S100PBP: variants seen among roughly 807,000 people sequenced by gnomAD.
S100PBP encodes the protein S100P binding protein.
A neutral mutation model predicts 39.9 loss-of-function variants in S100PBP; 15 were observed. The observed-to-expected ratio is 0.38, with a 90% CI of 0.25 to 0.58. S100PBP has a LOEUF of 0.58. Ranked by LOEUF, S100PBP falls within the 20% of genes least tolerant of loss-of-function variation. S100PBP has a pLI of 0.70. For synonymous variants in S100PBP, 178 were observed against 180.3 expected, an observed-to-expected ratio of 0.99 and a Z score of 0.10; for missense variants, 504 against 487.3, an observed-to-expected ratio of 1.03 and a Z score of -0.32.
At chr1:32,851,313 T>C (rs917002481) in intron 5 of S100PBP, among the ~76,000 whole-genome samples, 2 of 152,100 alleles carry the variant, frequency 1.3e-5, no homozygotes, top group African/African-American at 4.8e-5. Context: ...GTAGATAAGG[T>C]AATGAAAAAC....
chr1:32,834,234 A>G (rs1639723417), intron 5 of S100PBP, among the ~76,000 whole-genome samples: 1 of 152,170 alleles, frequency 6.6e-6, no homozygotes, highest in South Asian at 2.1e-4. Context: ...ATTTAATCAT[A>G]ATTTTTAAAA....
At chr1:32,836,881 A>G (rs1639842068) in intron 5 of S100PBP, 1 of 152,122 alleles carries the variant, frequency 6.6e-6, no homozygotes, top group Admixed American at 6.6e-5. Flanking sequence ...TCTTTATTCT[A>G]TCCTCATACT....
At position 32,855,898 on chromosome 1, in the gene S100PBP, T is replaced by A. The variant is rs1314701677; in HGVS notation, c.1113-26T>A. 1.9e-6 allele frequency: 3 copies of A among 1,545,506 alleles called. 1 individual carries two copies. In the South Asian group the frequency reaches 3.4e-5, roughly 17 times the overall value. On this transcript the variant is annotated intron_variant, in intron 6 of 6. Transcript: ENST00000373475. The stretch of plus-strand genomic sequence containing the variant: ...GCCATTCTAGTTGAAATAGCCTTCC[T>A]GTTTGTACTCTCCCTCTCTCGATAG...
At position 32,817,671 on chromosome 1, in the gene S100PBP, T is replaced by C. The variant is rs1569799538; in HGVS notation, c.-138T>C. 3 of 234,860 alleles carry C rather than the reference T, an allele frequency of 1.3e-5. No homozygotes were observed. Among genetic ancestry groups the C allele is most frequent in the Non-Finnish European group, 2.6e-5 (3 of 115,298 alleles). 14.5% of individuals were successfully genotyped at this position (234,860 alleles called of 1,614,324 possible). ...GTGAGGCGCAGTCGTTCGCCCAGGC[T>C]TTGGCCCGGCTTCCGGAGGTGAAGA... On this transcript the variant is annotated 5_prime_UTR_variant, in exon 1 of 7. Coordinates refer to ENST00000373475, the MANE Select transcript of S100PBP (RefSeq NM_022753.4).
At chr1:32,833,373 T>C (rs949383906) in intron 5 of S100PBP, among the ~76,000 whole-genome samples, 1 of 150,462 alleles carries the variant, frequency 6.6e-6, no homozygotes, top group African/African-American at 2.4e-5. Flanking sequence ...TTATTTTCTT[T>C]TTTTTTTTTT....
intron 1 of S100PBP, among the ~76,000 whole-genome samples, chr1:32,819,082 G>GA (rs1416529314): frequency 6.6e-6 from 1 of 152,054 alleles, no homozygotes; most frequent in African/African-American, 2.4e-5. Context: ...GATAAAAATA[G>GA]AAAGGGAACC....
intron 5 of S100PBP, chr1:32,847,664 C>G (rs1292999531): frequency 6.6e-6 from 1 of 152,098 alleles, no homozygotes; most frequent in African/African-American, 2.4e-5. Flanking sequence ...TTTTCCCTTG[C>G]CTGCAAGGAA....
chr1:32,825,345 C>G lies in S100PBP; in HGVS notation c.-87C>G, dbSNP rs1388555301. The G allele has an allele frequency of 6.6e-6, 1 of 152,164 alleles. No homozygotes were observed. The highest frequency in any genetic ancestry group is 1.5e-5 in the Non-Finnish European group (1 of 68,036). The allele number at this position is 152,164 out of a possible 1,614,324, so 9.4% of individuals were successfully genotyped here. ...GGAGTCAATCATTTTGACAAGTCTC[C>G]TGAAAGGAACAGCTAGCAGGAACTG... On this transcript the variant is annotated 5_prime_UTR_variant, in exon 2 of 7. Coordinates refer to ENST00000373475, the MANE Select transcript of S100PBP (RefSeq NM_022753.4).
rs1176045914 is a variant in S100PBP, at chr1:32,856,367, C to G, written c.*329C>G. 1 of 171,794 alleles carries G rather than the reference C, an allele frequency of 5.8e-6. No individual in the cohort carries two copies. Among genetic ancestry groups the G allele is most frequent in the Non-Finnish European group, 1.3e-5 (1 of 79,746 alleles). 10.6% of individuals were successfully genotyped at this position (171,794 alleles called of 1,614,324 possible). The stretch of plus-strand genomic sequence containing the variant: ...AACACCCAGGTTCAAGCAAAAGACC[C>G]ACCTCTCTGCAGAGGCAAAGTCTAC... On this transcript the variant is annotated 3_prime_UTR_variant, in exon 7 of 7. Coordinates refer to ENST00000373475, the MANE Select transcript of S100PBP (RefSeq NM_022753.4).
At position 32,823,791 on chromosome 1, in the gene S100PBP, C is replaced by T. The variant is rs1639191348; in HGVS notation, c.-119-1522C>T. Among the ~76,000 whole-genome samples, 6 of 152,084 alleles carry T rather than the reference C, an allele frequency of 3.9e-5. No homozygotes were observed. The South Asian group carries it at 1.2e-3, about 32-fold the overall frequency. On this transcript the variant is annotated intron_variant, in intron 1 of 6. Coordinates refer to ENST00000373475, the MANE Select transcript of S100PBP (RefSeq NM_022753.4). ...GATTATACATTAAGATTATACATTACGTATTATACATTATGAGGGCAGGAG... is the reference window on the plus strand; with the variant it reads ...GATTATACATTAAGATTATACATTATGTATTATACATTATGAGGGCAGGAG...
intron 5 of S100PBP, among the ~76,000 whole-genome samples, chr1:32,843,841 G>A (rs1640230045): frequency 6.6e-6 from 1 of 151,930 alleles, no homozygotes; most frequent in African/African-American, 2.4e-5. Context: ...GCCCGTCTTG[G>A]CCTCCCAAAG....
intron 5 of S100PBP, among the ~76,000 whole-genome samples, chr1:32,830,338 GTACAT>G (rs1201244341): frequency 1.3e-5 from 2 of 148,814 alleles, no homozygotes; most frequent in Non-Finnish European, 3.0e-5. Context: ...ACCCAGACCG[GTACAT>G]TTTTGCTAGG....
chr1:32,846,478 A>G lies in S100PBP; in HGVS notation c.1025-6601A>G, dbSNP rs541997814. Among the ~76,000 whole-genome samples, 11 of 148,550 alleles carry G rather than the reference A, an allele frequency of 7.4e-5. 1 individual carries two copies. In the South Asian group the frequency reaches 2.3e-3, roughly 32 times the overall value. ...TCTGCCATCGTGTTACTTGTTTTCTATTTGTTTTTTGTTTCCACTTCCATC... is the reference window on the plus strand; with the variant it reads ...TCTGCCATCGTGTTACTTGTTTTCTGTTTGTTTTTTGTTTCCACTTCCATC... On this transcript the variant is annotated intron_variant, in intron 5 of 6. Coordinates refer to ENST00000373475, the MANE Select transcript of S100PBP (RefSeq NM_022753.4).
At chr1:32,848,033 G>A (rs1443702849) in intron 5 of S100PBP, among the ~76,000 whole-genome samples, 1 of 152,152 alleles carries the variant, frequency 6.6e-6, no homozygotes, top group African/African-American at 2.4e-5. Context: ...CTCTAACTAG[G>A]TGCTGCAGCT....
At chr1:32,836,631 T>G (rs1029945823) in intron 5 of S100PBP, 27 of 936,182 alleles carry the variant, frequency 2.9e-5, no homozygotes, top group Admixed American at 2.5e-4. Flanking sequence ...ATTTTTTTTT[T>G]GGGAGAGCTT....
At chr1:32,816,883 C>T, upstream of S100PBP, 2 of 555,516 alleles carry the variant, frequency 3.6e-6, no homozygotes, top group East Asian at 6.1e-5. Context: ...CTTGACGTAT[C>T]CCCAGCGACT....
intron 4 of S100PBP, among the ~76,000 whole-genome samples, 186 bp downstream of exon 4, chr1:32,828,267 A>G (rs1639429831): frequency 1.3e-5 from 2 of 152,100 alleles, no homozygotes; most frequent in South Asian, 4.1e-4. Flanking sequence ...CTCAGTTTTT[A>G]TGCATGAAAT....
chr1:32,838,474 T>C (rs1442341965), intron 5 of S100PBP, among the ~76,000 whole-genome samples: 1 of 152,172 alleles, frequency 6.6e-6, no homozygotes, highest in African/African-American at 2.4e-5. Flanking sequence ...GTCACTATTT[T>C]AAAATGTTTC....
At position 32,829,970 on chromosome 1, in the gene S100PBP, T is replaced by C; in HGVS notation, c.927T>C (p.Asn309=). The part of the protein sequence containing the change: ...IPVLQTKTRT[N]VPTFSQSNLE... ...CTGGTTTGCTTTATTCAAGGACTAA[T>C]GTTCCGACGTTTTCACAGTCAAATC... The change falls in exon 5 of 7, where the codon AAT becomes AAC. Residue 309 remains asparagine (N), a synonymous_variant. Coordinates refer to ENST00000373475, the MANE Select transcript of S100PBP (RefSeq NM_022753.4). The C allele has an allele frequency of 1.2e-6, 2 of 1,612,982 alleles. No homozygotes were observed. Among genetic ancestry groups the C allele is most frequent in the South Asian group, 1.1e-5 (1 of 91,036 alleles).
Sources: allele counts gnomAD v4.1 joint callset (sites outside exome capture counted in the v4.1 genomes callset), GRCh38; gene constraint gnomAD v4.1.1; transcripts MANE v1.5; gene names NCBI Gene and HGNC (gene_info 2026-07-23, HGNC 2026-07-21).